Variants in KCNIP3 observed in about 807,000 individuals in gnomAD.
The protein encoded by KCNIP3 is calsenilin.
A neutral mutation model predicts 35.0 loss-of-function variants in KCNIP3; 28 were observed. That is an observed-to-expected ratio of 0.80 (90% CI 0.59 to 1.10). The LOEUF (loss-of-function observed/expected upper bound fraction) is 1.10. Ranked by LOEUF, KCNIP3 falls within the 50% of genes least tolerant of loss-of-function variation. The pLI, the probability that KCNIP3 is intolerant of heterozygous loss-of-function variation, is 0.00. For synonymous variants in KCNIP3, 134 were observed against 133.8 expected, an observed-to-expected ratio of 1.00 and a Z score of -0.01; for missense variants, 295 against 338.4, an observed-to-expected ratio of 0.87 and a Z score of 1.01.
intron 2 of KCNIP3, among the ~76,000 whole-genome samples, chr2:95,362,563 C>T (rs1346158478): frequency 6.6e-6 from 1 of 152,222 alleles, no homozygotes; most frequent in Non-Finnish European, 1.5e-5. Context: ...ACAGTTCAAT[C>T]CTATGCACTA....
chr2:95,370,587 G>C (rs947782015), intron 2 of KCNIP3, among the ~76,000 whole-genome samples: 1 of 152,144 alleles, frequency 6.6e-6, no homozygotes, highest in African/African-American at 2.4e-5. Flanking sequence ...TCTTTTGCCT[G>C]TTTACAAAAT....
intron 5 of KCNIP3, among the ~76,000 whole-genome samples, chr2:95,381,186 A>G (rs1319621658): frequency 1.3e-5 from 2 of 152,282 alleles, no homozygotes; most frequent in South Asian, 2.1e-4. Flanking sequence ...ATATATTTGA[A>G]TATCTTTCTC....
chr2:95,337,881 C>G (rs779346717), intron 2 of KCNIP3, among the ~76,000 whole-genome samples: 1 of 152,250 alleles, frequency 6.6e-6, no homozygotes, highest in Non-Finnish European at 1.5e-5. Context: ...AATAGAAAGG[C>G]GGGCAGCTAG....
intron 2 of KCNIP3, among the ~76,000 whole-genome samples, chr2:95,322,917 T>G (rs953131334): frequency 1.6e-4 from 24 of 152,174 alleles, no homozygotes; most frequent in African/African-American, 5.8e-4. Flanking sequence ...CCCCAGGGCC[T>G]TGCCAATGAG....
chr2:95,381,762 CCCG>C (rs780380878), intron 6 of KCNIP3, 59 bp downstream of exon 6: 1 of 1,140,726 alleles, frequency 8.8e-7, no homozygotes, highest in Non-Finnish European at 1.3e-6. Flanking sequence ...CTCCACCCCT[CCCG>C]CCGCTCTTCC....
At chr2:95,325,423 C>A (rs1431737760) in intron 2 of KCNIP3, among the ~76,000 whole-genome samples, 1 of 152,196 alleles carries the variant, frequency 6.6e-6, no homozygotes, top group African/African-American at 2.4e-5. Context: ...GACGTCCCAG[C>A]AGCTTGGGGT....
chr2:95,371,883 C>G (rs1036872218), intron 2 of KCNIP3, among the ~76,000 whole-genome samples: 2 of 150,636 alleles, frequency 1.3e-5, no homozygotes, highest in South Asian at 2.1e-4. Context: ...TGGCTCACTG[C>G]AACCTTCGCC....
intron 3 of KCNIP3, 85 bp from the exon 4 acceptor site, chr2:95,374,763 T>G (rs1573519974): frequency 6.8e-7 from 1 of 1,468,514 alleles, no homozygotes; most frequent in Non-Finnish European, 9.4e-7. Flanking sequence ...CCCAAGGGGG[T>G]GGAGAGAGGC....
At chr2:95,341,342 C>G (rs984879792) in intron 2 of KCNIP3, among the ~76,000 whole-genome samples, 1 of 152,192 alleles carries the variant, frequency 6.6e-6, no homozygotes, top group African/African-American at 2.4e-5. Context: ...ACCACGCTGC[C>G]TGGTCAGCCT....
At chr2:95,342,581 T>C (rs1679218283) in intron 2 of KCNIP3, among the ~76,000 whole-genome samples, 2 of 152,226 alleles carry the variant, frequency 1.3e-5, no homozygotes, top group African/African-American at 4.8e-5. Context: ...AGATGTGTCA[T>C]GGGGCACGCA....
At chr2:95,346,984 G>T (rs1245425337) in intron 2 of KCNIP3, 2 of 1,522,838 alleles carry the variant, frequency 1.3e-6, no homozygotes, top group South Asian at 1.2e-5. Flanking sequence ...CGAGGGGTGC[G>T]CCCGGGCCCC....
chr2:95,376,017 G>A lies in KCNIP3; in HGVS notation c.447+809G>A, dbSNP rs541746361. Reference sequence around the variant, plus strand: ...TAATAATAACTTGTCGATAAGCTGCGCGGGTTATTTTTATGCCGCAAGCCC... The same window carrying A: ...TAATAATAACTTGTCGATAAGCTGCACGGGTTATTTTTATGCCGCAAGCCC... On this transcript the variant is annotated intron_variant, in intron 5 of 8. Transcript: ENST00000295225. This position sits in a 1 kb window ranked among gnomAD's most constrained non-coding sequence, Gnocchi z 4.2. Among the ~76,000 whole-genome samples, 3 of 152,288 alleles carry A rather than the reference G, an allele frequency of 2.0e-5. No homozygotes were observed. The highest frequency in any genetic ancestry group is 4.1e-4 in the South Asian group (2 of 4,826).
intron 5 of KCNIP3, among the ~76,000 whole-genome samples, chr2:95,380,422 G>A (rs1558780314): frequency 6.6e-6 from 1 of 152,182 alleles, no homozygotes; most frequent in Non-Finnish European, 1.5e-5. Context: ...CGGGGCCTTG[G>A]TGCATGGCCC....
chr2:95,346,891 T>A (rs1250624351), intron 2 of KCNIP3: 2 of 388,522 alleles, frequency 5.1e-6, no homozygotes, highest in Non-Finnish European at 8.4e-6. Flanking sequence ...CAGCCCCGCC[T>A]GCCGGGGGCA....
intron 2 of KCNIP3, among the ~76,000 whole-genome samples, chr2:95,360,748 A>G (rs1158048217): frequency 6.6e-6 from 1 of 152,158 alleles, no homozygotes; most frequent in East Asian, 1.9e-4. Flanking sequence ...ACAGACAGAG[A>G]GAGAGAGAGC....
intron 2 of KCNIP3, among the ~76,000 whole-genome samples, chr2:95,363,189 T>C (rs1044892467): frequency 6.6e-5 from 10 of 152,232 alleles, no homozygotes; most frequent in Non-Finnish European, 1.5e-4. Flanking sequence ...AAGAAATCTG[T>C]CCAGAATCTT....
At chr2:95,305,507 C>T (rs940242983) in intron 1 of KCNIP3, among the ~76,000 whole-genome samples, 5 of 152,186 alleles carry the variant, frequency 3.3e-5, no homozygotes, top group African/African-American at 7.2e-5. Context: ...CCAGTTCACA[C>T]GCACTCATTT....
chr2:95,307,085 C>T (rs569591880), intron 1 of KCNIP3, among the ~76,000 whole-genome samples: 1 of 152,360 alleles, frequency 6.6e-6, no homozygotes, highest in East Asian at 1.9e-4. Flanking sequence ...AGAACCCACC[C>T]CCTGCCTCAC....
chr2:95,384,194 A>ACC lies in KCNIP3; in HGVS notation c.*146_*147insCC. 1 of 664,348 alleles carries ACC rather than the reference A, an allele frequency of 1.5e-6. No individual in the cohort carries two copies. The highest frequency in any genetic ancestry group is 2.7e-6 in the Non-Finnish European group (1 of 369,642). The allele number at this position is 664,348 out of a possible 1,614,324, so 41.2% of individuals were successfully genotyped here. A position where few individuals can be genotyped will look rare whatever the true frequency, so the allele number is the denominator to read the frequency against. On this transcript the variant is annotated 3_prime_UTR_variant, in exon 9 of 9. Coordinates refer to ENST00000295225, the MANE Select transcript of KCNIP3 (RefSeq NM_013434.5). ...TACACACACACACACACACACACAC[A>ACC]CACACACACACAGCCATTCATCTGG...
Sources: gnomAD v4.1 joint callset for allele counts (sites outside exome capture counted in the v4.1 genomes callset) on GRCh38, gnomAD v4.1.1 for gene constraint, Gnocchi (gnomAD v3.1) non-coding constraint, MANE v1.5 for transcripts, NCBI Gene and HGNC (gene_info 2026-07-23, HGNC 2026-07-21) for gene names.